CMTM4: variants seen among roughly 807,000 people sequenced by gnomAD.
CMTM4 encodes CKLF like MARVEL transmembrane domain containing 4.
Under a neutral mutation model 19.0 loss-of-function variants are expected in CMTM4, and 8 were observed. The ratio of observed to expected loss-of-function variants is 0.42; its 90% CI spans 0.25 to 0.76. The LOEUF (loss-of-function observed/expected upper bound fraction) is 0.76. CMTM4 is among the 30% of genes least tolerant of loss of function. The pLI, the probability that CMTM4 is intolerant of heterozygous loss-of-function variation, is 0.27. For synonymous variants in CMTM4, 106 were observed against 121.1 expected (o/e 0.88, Z 0.82); for missense variants, 228 against 290.2 (o/e 0.79, Z 1.56).
At chr16:66,631,147 A>AGCCCCCGCCAGGCCAGCCG (rs1414560520) in intron 2 of CMTM4, among the ~76,000 whole-genome samples, 33 of 138,234 alleles carry the variant, frequency 2.4e-4, no homozygotes, top group African/African-American at 8.4e-4. Context: ...CCCGGCAGCC[A>AGCCCCCGCCAGGCCAGCCG]CCCCGTCCGG....
At position 66,618,716 on chromosome 16, in the gene CMTM4, C is replaced by T; in HGVS notation, c.*3342G>A. 1.0e-6 allele frequency: 1 copy of T among 985,506 alleles called. No homozygotes were observed. 61.0% of individuals were successfully genotyped at this position (985,506 alleles called of 1,614,324 possible). A position where few individuals can be genotyped will look rare whatever the true frequency, so the allele number is the denominator to read the frequency against. On this transcript the variant is annotated 3_prime_UTR_variant, in exon 4 of 4. Transcript: ENST00000394106. The stretch of plus-strand genomic sequence containing the variant: ...GACTCACTAGGACAGCTTCCAAGAA[C>T]CACAGATGTAACTGCAAACTTGAAG...
chr16:66,619,598 T>C lies in CMTM4; in HGVS notation c.*2460A>G, dbSNP rs940557390. 2.1e-5 allele frequency: 21 copies of C among 985,112 alleles called. No individual in the cohort carries two copies. The highest frequency in any genetic ancestry group is 2.5e-5 in the Non-Finnish European group (21 of 829,918). The allele number at this position is 985,112 out of a possible 1,614,324, so 61.0% of individuals were successfully genotyped here. On this transcript the variant is annotated 3_prime_UTR_variant, in exon 4 of 4. Coordinates refer to ENST00000394106, the MANE Select transcript of CMTM4 (RefSeq NM_181521.3). ...GTCTTCTGTTTGCATATAGAGGCAA[T>C]ATAAGAAAAATATAGGCGTCTTCAT...
intron 1 of CMTM4, among the ~76,000 whole-genome samples, chr16:66,646,155 C>A (rs1003704580): frequency 1.3e-5 from 2 of 151,982 alleles, no homozygotes; most frequent in East Asian, 3.9e-4. Flanking sequence ...ATAAAGTGAC[C>A]CCATTTTTGG....
rs2015549264 is a variant in CMTM4, at chr16:66,617,497, G to T, written c.*4561C>A. 11 of 1,420,858 alleles carry T rather than the reference G, an allele frequency of 7.7e-6. No individual in the cohort carries two copies. The East Asian group carries it at 1.3e-4, about 17-fold the overall frequency. The allele number at this position is 1,420,858 out of a possible 1,614,324, so 88.0% of individuals were successfully genotyped here. On this transcript the variant is annotated 3_prime_UTR_variant, in exon 4 of 4. Coordinates refer to ENST00000394106, the MANE Select transcript of CMTM4 (RefSeq NM_181521.3). ...AGAGTGTACAAAATGCCACTCACTTGCATGAAGAAGAATTAAACAGAACAT... is the reference window on the plus strand; with the variant it reads ...AGAGTGTACAAAATGCCACTCACTTTCATGAAGAAGAATTAAACAGAACAT...
chr16:66,631,003 G>A (rs1567407212), intron 2 of CMTM4, among the ~76,000 whole-genome samples: 1 of 151,664 alleles, frequency 6.6e-6, no homozygotes, highest in Admixed American at 6.6e-5. Flanking sequence ...TCTGAGAAGT[G>A]AGGAGACCCT....
intron 1 of CMTM4, among the ~76,000 whole-genome samples, chr16:66,672,896 G>C (rs991240402): frequency 4.8e-5 from 7 of 146,820 alleles, no homozygotes; most frequent in Non-Finnish European, 1.0e-4. Flanking sequence ...AAAGTGCTGG[G>C]ATCATAGGTG....
At chr16:66,691,818 A>G (rs1332714093) in intron 1 of CMTM4, among the ~76,000 whole-genome samples, 1 of 152,244 alleles carries the variant, frequency 6.6e-6, no homozygotes, top group Non-Finnish European at 1.5e-5. Flanking sequence ...AACTTAAATC[A>G]TAAGGAATTA....
the CMTM4 span, among the ~76,000 whole-genome samples, chr16:66,607,226 C>T: frequency 6.6e-6 from 1 of 152,224 alleles, no homozygotes; most frequent in Non-Finnish European, 1.5e-5. Context: ...ACCTGGGCTG[C>T]AGGACTGCCC....
intron 1 of CMTM4, among the ~76,000 whole-genome samples, chr16:66,675,027 G>GCCAC (rs890159554): frequency 1.3e-5 from 2 of 151,090 alleles, no homozygotes; most frequent in Admixed American, 6.6e-5. Flanking sequence ...ACAGGCGTGA[G>GCCAC]CCACCGCACC....
intron 1 of CMTM4, among the ~76,000 whole-genome samples, chr16:66,667,494 C>T (rs947794239): frequency 2.0e-5 from 3 of 152,094 alleles, no homozygotes; most frequent in Non-Finnish European, 4.4e-5. Flanking sequence ...TATGTAATAT[C>T]ACACCTACAT....
chr16:66,684,265 C>A (rs1033999557), intron 1 of CMTM4, among the ~76,000 whole-genome samples: 1 of 152,156 alleles, frequency 6.6e-6, no homozygotes, highest in Admixed American at 6.6e-5. Flanking sequence ...CTCCACCTCC[C>A]GGGGTTCAAG....
At chr16:66,609,497 C>G in the CMTM4 span, 1 of 1,609,626 alleles carries the variant, frequency 6.2e-7, no homozygotes. The surrounding 1 kb of genome is among the most constrained non-coding windows in gnomAD (Gnocchi z 4.4). Flanking sequence ...CGGCCATCGC[C>G]AAGTACTCGG....
At chr16:66,690,814 A>C (rs2017120782) in intron 1 of CMTM4, among the ~76,000 whole-genome samples, 1 of 152,196 alleles carries the variant, frequency 6.6e-6, no homozygotes, top group Non-Finnish European at 1.5e-5. Context: ...ATTTGCATTT[A>C]AACATTTCCA....
chr16:66,658,893 G>A (rs1237006015), intron 1 of CMTM4, among the ~76,000 whole-genome samples: 1 of 152,146 alleles, frequency 6.6e-6, no homozygotes, highest in East Asian at 1.9e-4. Context: ...GATGGATCAA[G>A]CACCCACCAA....
the CMTM4 span, chr16:66,608,577 G>A: frequency 9.0e-7 from 1 of 1,105,068 alleles, no homozygotes; most frequent in African/African-American, 1.6e-5. This position sits in a 1 kb window ranked among gnomAD's most constrained non-coding sequence, Gnocchi z 5.1. Context: ...GGAGTTTGCA[G>A]TTGGTTAGAA....
intron 1 of CMTM4, among the ~76,000 whole-genome samples, chr16:66,684,484 T>G (rs1452275976): frequency 6.6e-6 from 1 of 151,970 alleles, no homozygotes; most frequent in East Asian, 1.9e-4. Context: ...TCAGCCCTCT[T>G]TCTCTCAATC....
At chr16:66,632,557 A>G (rs2015893803) in intron 2 of CMTM4, among the ~76,000 whole-genome samples, 1 of 152,178 alleles carries the variant, frequency 6.6e-6, no homozygotes, top group African/African-American at 2.4e-5. Flanking sequence ...GGGGAAGTAG[A>G]GAAGGCAAGT....
rs184237572 is a variant in CMTM4 at position 66,625,163 on chromosome 16, G to A, written c.364-1661C>T. ...GCTAGAAAACAAACAGGCCGGGCACGGTGGCTCATGCCTGTAATCCCAGCA... is the reference window on the plus strand; with the variant it reads ...GCTAGAAAACAAACAGGCCGGGCACAGTGGCTCATGCCTGTAATCCCAGCA... On this transcript the variant is annotated intron_variant, in intron 2 of 3. Coordinates refer to ENST00000394106, the MANE Select transcript of CMTM4 (RefSeq NM_181521.3). 1.0e-3 allele frequency among the ~76,000 whole-genome samples: 159 copies of A among 152,268 alleles called. 2 individuals carry two copies. Among genetic ancestry groups the A allele is most frequent in the East Asian group, 2.3e-3 (12 of 5,172 alleles).
At chr16:66,642,597 T>A (rs547071773) in intron 1 of CMTM4, among the ~76,000 whole-genome samples, 10 of 152,196 alleles carry the variant, frequency 6.6e-5, no homozygotes, top group African/African-American at 2.4e-4. Flanking sequence ...ATGCCTGTAA[T>A]CCCAGCTAGG....
Sources: gnomAD v4.1 joint callset for allele counts (sites outside exome capture counted in the v4.1 genomes callset) on GRCh38, gnomAD v4.1.1 for gene constraint, Gnocchi (gnomAD v3.1) non-coding constraint, MANE v1.5 for transcripts, NCBI Gene and HGNC (gene_info 2026-07-23, HGNC 2026-07-21) for gene names.